The following VWA3B variants were observed in gnomAD, a reference collection of about 807,000 sequenced individuals.
The protein encoded by VWA3B is von Willebrand factor A domain-containing protein 3B.
A neutral mutation model predicts 158.3 loss-of-function variants in VWA3B; 138 were observed. The observed-to-expected ratio is 0.87, with a 90% CI of 0.76 to 1.00. The LOEUF (loss-of-function observed/expected upper bound fraction) is 1.00. VWA3B is among the 50% of genes least tolerant of loss of function. The pLI is 0.00. For synonymous variants in VWA3B, 596 were observed against 587.3 expected, an observed-to-expected ratio of 1.01 and a Z score of -0.21; for missense variants, 1,555 against 1,565.1, an observed-to-expected ratio of 0.99 and a Z score of 0.11.
At chr2:98,096,334 T>C (rs1682707643) in intron 2 of VWA3B, among the ~76,000 whole-genome samples, 1 of 152,150 alleles carries the variant, frequency 6.6e-6, no homozygotes, top group African/African-American at 2.4e-5. Flanking sequence ...AGTGGCACGA[T>C]TTTGGCTCAC....
At chr2:98,326,178 G>C in the VWA3B span, among the ~76,000 whole-genome samples, 1 of 152,108 alleles carries the variant, frequency 6.6e-6, no homozygotes, top group South Asian at 2.1e-4. Context: ...CCTCTAATTA[G>C]CAAGAAAAAA....
At chr2:98,289,190 T>C (rs1201229410) in intron 22 of VWA3B, among the ~76,000 whole-genome samples, 1 of 152,196 alleles carries the variant, frequency 6.6e-6, no homozygotes, top group African/African-American at 2.4e-5. Context: ...GAATCATTAT[T>C]TTTGCATATG....
chr2:98,136,082 C>T, intron 7 of VWA3B, among the ~76,000 whole-genome samples: 1 of 152,070 alleles, frequency 6.6e-6, no homozygotes, highest in African/African-American at 2.4e-5. Context: ...ACTTTTCTGG[C>T]AATGTGAAGG....
chr2:98,139,534 C>CT (rs796228128), intron 7 of VWA3B, among the ~76,000 whole-genome samples: 7 of 152,322 alleles, frequency 4.6e-5, no homozygotes, highest in African/African-American at 1.7e-4. Flanking sequence ...AATCGGCACT[C>CT]TGTGTCTAGC....
intron 7 of VWA3B, among the ~76,000 whole-genome samples, chr2:98,156,897 C>G (rs1452003739): frequency 6.6e-6 from 1 of 152,104 alleles, no homozygotes; most frequent in Non-Finnish European, 1.5e-5. Context: ...CTACTAGCCC[C>G]ATAGCATCCT....
At chr2:98,289,307 A>G (rs1689352020) in intron 22 of VWA3B, among the ~76,000 whole-genome samples, 1 of 152,178 alleles carries the variant, frequency 6.6e-6, no homozygotes, top group African/African-American at 2.4e-5. Flanking sequence ...ACTTGTGCAG[A>G]CATGTCATTC....
Position 98,131,972 on chromosome 2 carries a change from T to C in VWA3B, c.873-1852T>C, listed in dbSNP as rs150036563. Among the ~76,000 whole-genome samples, 29 of 152,326 alleles carry C rather than the reference T, an allele frequency of 1.9e-4. No homozygotes were observed. The East Asian group carries it at 4.4e-3, about 23-fold the overall frequency. ...CTTTGAAATCTTTTAACATCAAGTA[T>C]GTGGCTCCCATTCTGGGTTCCTGAG... On this transcript the variant is annotated intron_variant, in intron 6 of 27. Transcript: ENST00000477737.
rs995186625 is a variant in VWA3B, at chr2:98,093,291, A to T, written c.196+3A>T. 1.3e-5 allele frequency: 21 copies of T among 1,612,804 alleles called. No individual in the cohort carries two copies. The highest frequency in any genetic ancestry group is 2.5e-6 in the Non-Finnish European group (3 of 1,179,002). ...GATCGGATTCCCACATTGTGAAGGT[A>T]CAGTACTCACAAACAACCAGCATGC... On this transcript the variant is annotated splice_donor_region_variant and intron_variant, in intron 2 of 27. Coordinates refer to ENST00000477737, the MANE Select transcript of VWA3B (RefSeq NM_144992.5).
Position 98,279,056 on chromosome 2 carries a change from G to T in VWA3B, c.3045+8173G>T, listed in dbSNP as rs141228535. Reference sequence around the variant, plus strand: ...GATGGGCCTCCAGGGCATGTGGCCAGAGTGAAGCTGAAATCCCAGAGGCAG... The same window carrying T: ...GATGGGCCTCCAGGGCATGTGGCCATAGTGAAGCTGAAATCCCAGAGGCAG... On this transcript the variant is annotated intron_variant, in intron 22 of 27. Transcript: ENST00000477737. Among the ~76,000 whole-genome samples, 531 of 152,310 alleles carry T rather than the reference G, an allele frequency of 3.5e-3. 3 individuals carry two copies. Among genetic ancestry groups the T allele is most frequent in the Middle Eastern group, 0.014 (4 of 294 alleles).
At chr2:98,310,214 A>T (rs1404601762) in intron 26 of VWA3B, among the ~76,000 whole-genome samples, 1 of 152,124 alleles carries the variant, frequency 6.6e-6, no homozygotes, top group African/African-American at 2.4e-5. Flanking sequence ...TTGCTGAGAG[A>T]GAGACACTTA....
downstream of VWA3B, among the ~76,000 whole-genome samples, chr2:98,318,219 C>T (rs975056933): frequency 1.3e-5 from 2 of 152,152 alleles, no homozygotes; most frequent in African/African-American, 2.4e-5. Context: ...TCCCATTACT[C>T]GCTTTATACC....
intron 9 of VWA3B, among the ~76,000 whole-genome samples, chr2:98,182,224 G>C (rs183139709): frequency 2.0e-5 from 3 of 152,294 alleles, no homozygotes; most frequent in Non-Finnish European, 2.9e-5. Context: ...ATTCTTGAAG[G>C]CTCCGATTCA....
intron 14 of VWA3B, among the ~76,000 whole-genome samples, chr2:98,222,236 C>T (rs1490971934): frequency 6.6e-6 from 1 of 152,220 alleles, no homozygotes; most frequent in Non-Finnish European, 1.5e-5. Flanking sequence ...AGAAAACTGT[C>T]CCACAGAAAG....
At chr2:98,179,703 CTTT>C (rs1385476947) in intron 8 of VWA3B, among the ~76,000 whole-genome samples, 3 of 148,756 alleles carry the variant, frequency 2.0e-5, no homozygotes, top group Admixed American at 6.6e-5. Context: ...CTTTCTTTTT[CTTT>C]CTTTCTTCTT....
At chr2:98,090,741 A>G (rs1286196894) in intron 1 of VWA3B, among the ~76,000 whole-genome samples, 1 of 152,058 alleles carries the variant, frequency 6.6e-6, no homozygotes, top group Non-Finnish European at 1.5e-5. Context: ...GGAAATTATT[A>G]TCTTTTTTTT....
chr2:98,119,322 T>C (rs1029748868), intron 3 of VWA3B, among the ~76,000 whole-genome samples, 191 bp from the exon 4 acceptor site: 3 of 152,144 alleles, frequency 2.0e-5, no homozygotes, highest in Admixed American at 2.0e-4. Context: ...GATCATATTA[T>C]CATCTTTTCT....
chr2:98,217,755 T>C, intron 13 of VWA3B, 91 bp from the exon 14 acceptor site: 1 of 1,174,668 alleles, frequency 8.5e-7, no homozygotes, highest in Non-Finnish European at 1.2e-6. Context: ...ACTATTTGAG[T>C]ATCTGTAGTA....
intron 7 of VWA3B, among the ~76,000 whole-genome samples, chr2:98,161,201 A>G (rs1678546045): frequency 6.6e-6 from 1 of 152,248 alleles, no homozygotes; most frequent in Non-Finnish European, 1.5e-5. Flanking sequence ...AACATGTCTC[A>G]GCCAAGGGGC....
intron 11 of VWA3B, 146 bp downstream of exon 11, chr2:98,193,182 T>C (rs1374447434): frequency 3.6e-6 from 4 of 1,108,968 alleles, no homozygotes; most frequent in African/African-American, 1.6e-5. Context: ...GAATCATCAG[T>C]TCTCTTTTGC....
Sources: allele counts gnomAD v4.1 joint callset (sites outside exome capture counted in the v4.1 genomes callset), GRCh38; gene constraint gnomAD v4.1.1; transcripts MANE v1.5; gene names NCBI Gene and HGNC (gene_info 2026-07-23, HGNC 2026-07-21).